Variants in IFIH1 observed in about 807,000 individuals in gnomAD.
IFIH1 encodes the protein interferon-induced helicase C domain-containing protein 1.
IFIH1 carries 125 observed loss-of-function variants against 107.4 expected under a neutral mutation model. The ratio of observed to expected loss-of-function variants is 1.16; its 90% confidence interval spans 1.01 to 1.35. IFIH1 has a LOEUF of 1.35. Ranked by LOEUF, IFIH1 falls within the 40% of genes most tolerant of loss-of-function variation. IFIH1 has a pLI of 0.00. For synonymous variants in IFIH1, 458 were observed against 413.2 expected, an observed-to-expected ratio of 1.11 and a Z score of -1.31; for missense variants, 1,333 against 1,213.7, an observed-to-expected ratio of 1.10 and a Z score of -1.46.
intron 4 of IFIH1, among the ~76,000 whole-genome samples, chr2:162,289,029 G>A (rs1267053038): frequency 6.6e-6 from 1 of 151,548 alleles, no homozygotes; most frequent in Non-Finnish European, 1.5e-5. Context: ...TATTTAGAGA[G>A]TAGAGGAAAA....
At chr2:162,276,193 A>G (rs1691150323) in intron 11 of IFIH1, among the ~76,000 whole-genome samples, 1 of 152,218 alleles carries the variant, frequency 6.6e-6, no homozygotes, top group African/African-American at 2.4e-5. Context: ...GATTGCTATT[A>G]GCCTTAGATT....
intron 3 of IFIH1, among the ~76,000 whole-genome samples, chr2:162,294,812 A>G (rs1044080938): frequency 2.6e-5 from 4 of 151,848 alleles, no homozygotes; most frequent in Non-Finnish European, 4.4e-5. Context: ...TAACACACCA[A>G]TGAGGTAGCT....
intron 5 of IFIH1, among the ~76,000 whole-genome samples, chr2:162,286,106 G>A (rs1000985216): frequency 1.3e-5 from 2 of 151,940 alleles, no homozygotes; most frequent in Non-Finnish European, 2.9e-5. Flanking sequence ...CCAGAAAAAT[G>A]TCTGAAGGAG....
chr2:162,309,649 C>G (rs1683356123), intron 2 of IFIH1, among the ~76,000 whole-genome samples: 1 of 152,152 alleles, frequency 6.6e-6, no homozygotes, highest in South Asian at 2.1e-4. Context: ...TCAGTAGCAC[C>G]CATGATCTTG....
At chr2:162,286,285 C>T (rs907783250) in intron 5 of IFIH1, among the ~76,000 whole-genome samples, 6 of 151,918 alleles carry the variant, frequency 3.9e-5, no homozygotes, top group African/African-American at 1.2e-4. Context: ...ATTAGGACTT[C>T]GTGTGGTTGC....
intron 1 of IFIH1, among the ~76,000 whole-genome samples, chr2:162,317,048 T>TGA (rs1433667628): frequency 6.6e-6 from 1 of 150,642 alleles, no homozygotes; most frequent in Non-Finnish European, 1.5e-5. Flanking sequence ...TGTGTGTGTG[T>TGA]GTGATTGCAA....
In IFIH1 at chr2:162,277,621, A is replaced by G. The variant is rs772083054; in HGVS notation, c.1838T>C (p.Ile613Thr). 5 of 1,613,348 alleles carry G rather than the reference A, an allele frequency of 3.1e-6. No homozygotes were observed. In the African/African-American group the frequency reaches 5.3e-5, roughly 17 times the overall value. Residue 613 changes from isoleucine to threonine, a missense_variant, in exon 10 of 16, where the codon ATT becomes ACT. Physicochemically the swap from Ile to Thr is moderately conservative, Grantham distance 89. Coordinates refer to ENST00000649979, the MANE Select transcript of IFIH1 (RefSeq NM_022168.4). ...ATCTATCATTCGAATTGTGTCATTA[A>G]TTTGTAGGGCCTCATTGTACTTCCT... ...HLRKYNEALQ[I>T]NDTIRMIDAY...
At chr2:162,286,153 T>C (rs575905438) in intron 5 of IFIH1, among the ~76,000 whole-genome samples, 2 of 152,074 alleles carry the variant, frequency 1.3e-5, no homozygotes, top group Admixed American at 6.6e-5. Context: ...TTAGAAACCA[T>C]GTTATATGGA....
At chr2:162,305,844 C>A (rs1030473971) in intron 3 of IFIH1, among the ~76,000 whole-genome samples, 2 of 152,198 alleles carry the variant, frequency 1.3e-5, no homozygotes, top group African/African-American at 4.8e-5. Context: ...CCGTCTTTTG[C>A]ATCTGTACGG....
chr2:162,312,827 A>G (rs1683403662), intron 1 of IFIH1, among the ~76,000 whole-genome samples: 1 of 152,284 alleles, frequency 6.6e-6, no homozygotes, highest in East Asian at 1.9e-4. Flanking sequence ...AGCCATTCTC[A>G]TATTTTATTA....
In IFIH1 at chr2:162,314,629, A is replaced by G. The variant is rs1683455108; in HGVS notation, c.453+3226T>C. On this transcript the variant is annotated intron_variant, in intron 1 of 15. Coordinates refer to ENST00000649979, the MANE Select transcript of IFIH1 (RefSeq NM_022168.4). ...CAGCCTCCCGAGTAACTGGGACTAC[A>G]GGCTCCCACCACCACACCCAGCTAA... 2.0e-5 allele frequency among the ~76,000 whole-genome samples: 3 copies of G among 151,628 alleles called. No homozygotes were observed. In the South Asian group the frequency reaches 6.3e-4, roughly 32 times the overall value.
At chr2:162,296,020 G>GA (rs1683079700) in intron 3 of IFIH1, among the ~76,000 whole-genome samples, 1 of 151,896 alleles carries the variant, frequency 6.6e-6, no homozygotes, top group Admixed American at 6.6e-5. Flanking sequence ...CAAAATTACT[G>GA]AAAAAATACT....
chr2:162,315,443 T>C (rs1558877960), intron 1 of IFIH1, among the ~76,000 whole-genome samples: 1 of 152,120 alleles, frequency 6.6e-6, no homozygotes, highest in Non-Finnish European at 1.5e-5. Context: ...CATGGGGAAT[T>C]TACCTCAATC....
At chr2:162,285,156 A>G (rs1482991267) in intron 5 of IFIH1, among the ~76,000 whole-genome samples, 1 of 151,900 alleles carries the variant, frequency 6.6e-6, no homozygotes, top group Non-Finnish European at 1.5e-5. Context: ...ATCAAACCCA[A>G]CTGCTACCCA....
intron 8 of IFIH1, among the ~76,000 whole-genome samples, chr2:162,278,983 A>C (rs1165677439): frequency 6.6e-6 from 1 of 152,112 alleles, no homozygotes; most frequent in African/African-American, 2.4e-5. Flanking sequence ...CAATCAGTAC[A>C]CATATGAATT....
At chr2:162,315,223 C>T (rs1683466825) in intron 1 of IFIH1, among the ~76,000 whole-genome samples, 2 of 152,136 alleles carry the variant, frequency 1.3e-5, no homozygotes, top group Non-Finnish European at 2.9e-5. Flanking sequence ...TTCTCTAACG[C>T]CTGGCAACAC....
intron 5 of IFIH1, among the ~76,000 whole-genome samples, chr2:162,287,906 AG>A (rs1682925062): frequency 6.6e-6 from 1 of 151,980 alleles, no homozygotes; most frequent in East Asian, 1.9e-4. Context: ...CATAAGTTAT[AG>A]CTATTTGGTA....
chr2:162,308,412 C>T (rs903882227), intron 2 of IFIH1, among the ~76,000 whole-genome samples: 25 of 147,558 alleles, frequency 1.7e-4, no homozygotes, highest in Non-Finnish European at 3.0e-5. Flanking sequence ...CGGAGTCTTG[C>T]TCTGACACCC....
intron 2 of IFIH1, among the ~76,000 whole-genome samples, chr2:162,309,497 G>T (rs1050562597): frequency 2.5e-4 from 38 of 152,122 alleles, no homozygotes; most frequent in Admixed American, 1.1e-3. Context: ...CTATGGTCTG[G>T]TTCTGTAGAA....
Sources: gnomAD v4.1 joint callset for allele counts (sites outside exome capture counted in the v4.1 genomes callset) on GRCh38, gnomAD v4.1.1 for gene constraint, MANE v1.5 for transcripts, NCBI Gene and HGNC (gene_info 2026-07-23, HGNC 2026-07-21) for gene names.